Variants in STAB2 observed in about 807,000 individuals in gnomAD.
The protein encoded by STAB2 is stabilin-2.
Under a neutral mutation model 338.1 loss-of-function variants are expected in STAB2, and 288 were observed. That is an observed-to-expected ratio of 0.85 (90% confidence interval 0.77 to 0.94). The LOEUF (loss-of-function observed/expected upper bound fraction) is 0.94. Among genes scored for constraint, STAB2 ranks in the 40% least tolerant of loss-of-function variants. STAB2 has a pLI of 0.00. For synonymous variants in STAB2, 1,202 were observed against 1,193.3 expected (o/e 1.01, Z -0.15); for missense variants, 3,141 against 3,210.1 (o/e 0.98, Z 0.52).
rs535410831 is a variant in STAB2 at position 103,728,824 on chromosome 12, G to T, written c.4936-25G>T. 4 of 1,612,704 alleles carry T rather than the reference G, an allele frequency of 2.5e-6. No homozygotes were observed. In the South Asian group the frequency reaches 3.3e-5, roughly 13 times the overall value. ...CAGCAAAAGACTCCTGCCTCTGGCT[G>T]AAACCCTCTGATCTTCTGTTACAGG... On this transcript the variant is annotated intron_variant, in intron 47 of 68. Transcript: ENST00000388887.
chr12:103,650,528 G>A lies in STAB2; in HGVS notation c.1207G>A (p.Gly403Arg), dbSNP rs986225603. 2.0e-5 allele frequency: 32 copies of A among 1,613,346 alleles called. No homozygotes were observed. Among genetic ancestry groups the A allele is most frequent in the Non-Finnish European group, 2.2e-5 (26 of 1,179,402 alleles). Residue 403 changes from glycine to arginine, a missense_variant, in exon 11 of 69, where the codon GGA (glycine) becomes AGA (arginine). By Grantham distance (125) the Gly-to-Arg change is moderately radical (BLOSUM62 -2). Transcript: ENST00000388887. The part of the protein sequence containing the change: ...KAYAWPLSKL[G>R]PFTVLLPTDK... ...TTATGCCTGGCCACTGAGTAAGCTGGGACCCTTCACGGTGCTGTTACCTAC... is the reference window on the plus strand; with the variant it reads ...TTATGCCTGGCCACTGAGTAAGCTGAGACCCTTCACGGTGCTGTTACCTAC...
At position 103,711,349 on chromosome 12, in the gene STAB2, T is replaced by C. The variant is rs1169359345; in HGVS notation, c.4289-122T>C. On this transcript the variant is annotated intron_variant, in intron 39 of 68. Transcript: ENST00000388887. ...AAAGGATTGACATGACCTCATAGTT[T>C]TATATCGCTCACATGATACATATCA... is the stretch of plus-strand genomic sequence containing the variant. 5 of 1,328,704 alleles carry C rather than the reference T, an allele frequency of 3.8e-6. No homozygotes were observed. In the African/African-American group the frequency reaches 5.9e-5, roughly 16 times the overall value. The allele number at this position is 1,328,704 out of a possible 1,614,324, so 82.3% of individuals were successfully genotyped here.
intron 43 of STAB2, 128 bp from the exon 44 acceptor site, chr12:103,717,642 C>G (rs1016767945): frequency 7.0e-6 from 5 of 715,016 alleles, no homozygotes; most frequent in Admixed American, 2.3e-5. Context: ...ATAGATATTA[C>G]CAACGTCAAA....
chr12:103,708,563 A>G, intron 39 of STAB2, 27 bp downstream of exon 39: 1 of 1,605,816 alleles, frequency 6.2e-7, no homozygotes, highest in Non-Finnish European at 8.5e-7. Flanking sequence ...CAGTATTTAT[A>G]ATCTGCTCTA....
rs763629812 is a variant in STAB2 at position 103,732,995 on chromosome 12, C to T, written c.5284-11C>T. The stretch of plus-strand genomic sequence containing the variant: ...CTCAAGCCAGCAAGGGGCTGAATCC[C>T]TGTGTTTCAGGACTCAGGTTTGCTG... On this transcript the variant is annotated splice_polypyrimidine_tract_variant and intron_variant, in intron 50 of 68. Transcript: ENST00000388887. 9.9e-6 allele frequency: 16 copies of T among 1,612,906 alleles called. No individual in the cohort carries two copies. In the East Asian group the frequency reaches 3.3e-4, roughly 34 times the overall value.
In STAB2 at chr12:103,677,580, A is replaced by G. The variant is rs1194347423; in HGVS notation, c.2774A>G (p.Asn925Ser). The G allele has an allele frequency of 7.4e-6, 12 of 1,614,018 alleles. 1 individual carries two copies. The highest frequency in any genetic ancestry group is 3.3e-5 in the South Asian group (3 of 91,086). ...LLPSAGGCHD[N>S]ASCLYVGPGQ... ...CCCAGTGCAGGCGGCTGCCACGACAACGCATCCTGTTTGTATGTGGGTCCC... is the reference window on the plus strand; with the variant it reads ...CCCAGTGCAGGCGGCTGCCACGACAGCGCATCCTGTTTGTATGTGGGTCCC... Residue 925 changes from asparagine to serine, a missense_variant, in exon 25 of 69, where the codon AAC becomes AGC. By Grantham distance (46) the Asn-to-Ser change is conservative. Coordinates refer to ENST00000388887, the MANE Select transcript of STAB2 (RefSeq NM_017564.10).
intron 3 of STAB2, among the ~76,000 whole-genome samples, chr12:103,604,391 G>A (rs831686): frequency 0.82 from 124,899 of 151,950 alleles, 52,052 homozygotes; most frequent in East Asian, 1. Context: ...GTAAACTGAG[G>A]TATATTCCCT....
At chr12:103,733,258 G>A in intron 51 of STAB2, 76 bp downstream of exon 51, 8 of 1,538,450 alleles carry the variant, frequency 5.2e-6, no homozygotes, top group Non-Finnish European at 7.1e-6. Flanking sequence ...AGGCATTGTG[G>A]CCTAGGAACT....
chr12:103,730,095 T>A, intron 48 of STAB2, 21 bp from the exon 49 acceptor site: 4 of 1,560,718 alleles, frequency 2.6e-6, no homozygotes, highest in Non-Finnish European at 1.7e-6. Context: ...TCATTTCTTT[T>A]TTGTTTTTGG....
At chr12:103,658,935 G>A (rs2138761375) in intron 15 of STAB2, among the ~76,000 whole-genome samples, 1 of 152,270 alleles carries the variant, frequency 6.6e-6, no homozygotes, top group Admixed American at 6.5e-5. Flanking sequence ...AACCACTGGA[G>A]CATCAGAGCA....
chr12:103,650,421 G>GT, intron 10 of STAB2, 75 bp from the exon 11 acceptor site: 1 of 1,306,112 alleles, frequency 7.7e-7, no homozygotes. Context: ...CCCAAGACCT[G>GT]TTGCCTGATT....
chr12:103,732,916 A>G, intron 50 of STAB2, 90 bp from the exon 51 acceptor site: 1 of 1,493,158 alleles, frequency 6.7e-7, no homozygotes, highest in Non-Finnish European at 9.1e-7. Context: ...CACGGGCTTG[A>G]GCATGGAGGA....
At position 103,695,451 on chromosome 12, in the gene STAB2, C is replaced by A. The variant is rs554391715; in HGVS notation, c.3376-99C>A. 4.1e-5 allele frequency: 42 copies of A among 1,023,972 alleles called. No individual in the cohort carries two copies. In the South Asian group the frequency reaches 4.9e-4, roughly 12 times the overall value. The allele number at this position is 1,023,972 out of a possible 1,614,324, so 63.4% of individuals were successfully genotyped here. A position where few individuals can be genotyped will look rare whatever the true frequency, so the allele number is the denominator to read the frequency against. On this transcript the variant is annotated intron_variant, in intron 31 of 68. Transcript: ENST00000388887. ...AGGTTGTCAATGTCAATCCATTGAA[C>A]TGTCTAAAGAGGTTAATGGCATTAG...
chr12:103,695,696 A>AAC, intron 32 of STAB2, 41 bp from the exon 33 acceptor site: 1 of 1,614,112 alleles, frequency 6.2e-7, no homozygotes, highest in Non-Finnish European at 8.5e-7. Context: ...GTTACCCAGG[A>AAC]ACAGGAATCC....
chr12:103,740,733 G>T lies in STAB2; in HGVS notation c.5858G>T (p.Gly1953Val), dbSNP rs951185128. Reference protein sequence around the residue: ...LVIQIPRCCKGYFGRDCQACP... With the variant: ...LVIQIPRCCKVYFGRDCQACP... Reference sequence around the variant, plus strand: ...ATACAGATCCCCAGGTGCTGCAAGGGCTACTTCGGGCGAGACTGTCAGGGT... The same window carrying T: ...ATACAGATCCCCAGGTGCTGCAAGGTCTACTTCGGGCGAGACTGTCAGGGT... The change falls in exon 55 of 69, where the codon GGC becomes GTC. Residue 1953 changes from glycine to valine, a missense_variant. By Grantham distance (109) the Gly-to-Val change is moderately radical. Transcript: ENST00000388887. 3.8e-6 allele frequency: 6 copies of T among 1,592,166 alleles called. No homozygotes were observed. The African/African-American group carries it at 5.4e-5, about 14-fold the overall frequency.
chr12:103,758,649 T>G (rs955976348), intron 64 of STAB2, among the ~76,000 whole-genome samples: 1 of 152,200 alleles, frequency 6.6e-6, no homozygotes, highest in Non-Finnish European at 1.5e-5. Context: ...CCTGGCCTGA[T>G]AGGTCACATG....
chr12:103,724,834 G>GA (rs1881054796), intron 44 of STAB2, 141 bp from the exon 45 acceptor site: 1 of 1,457,952 alleles, frequency 6.9e-7, no homozygotes, highest in East Asian at 2.3e-5. Context: ...GCAAGCTCAG[G>GA]AAAAGGATAA....
intron 3 of STAB2, among the ~76,000 whole-genome samples, chr12:103,598,756 C>T (rs1956913180): frequency 6.6e-6 from 1 of 152,160 alleles, no homozygotes; most frequent in Non-Finnish European, 1.5e-5. Context: ...TACCTTTTCT[C>T]CCAAGTTCCT....
chr12:103,739,636 G>T (rs1405765233), intron 54 of STAB2, among the ~76,000 whole-genome samples, 168 bp downstream of exon 54: 2 of 151,654 alleles, frequency 1.3e-5, no homozygotes, highest in Non-Finnish European at 2.9e-5. Context: ...AGCCAATGGG[G>T]TAAGATAGAT....
Sources: gnomAD v4.1 joint callset for allele counts (sites outside exome capture counted in the v4.1 genomes callset) on GRCh38, gnomAD v4.1.1 for gene constraint, MANE v1.5 for transcripts, NCBI Gene and HGNC (gene_info 2026-07-23, HGNC 2026-07-21) for gene names.